The following UNC13C variants were observed in gnomAD, a reference collection of about 807,000 sequenced individuals.
UNC13C encodes the protein unc-13 homolog C.
In UNC13C, 174 loss-of-function variants were observed where a neutral mutation model predicts 245.4. The ratio of observed to expected loss-of-function variants is 0.71; its 90% CI spans 0.63 to 0.80. The LOEUF (loss-of-function observed/expected upper bound fraction) is 0.80, where lower values mean the gene tolerates loss of function less well. Ranked by LOEUF, UNC13C falls within the 30% of genes least tolerant of loss-of-function variation. The probability of loss-of-function intolerance (pLI) is 0.00; values close to 1 mark genes in which losing one functional copy is unlikely to be tolerated. For missense variants in UNC13C, 2,829 were observed against 2,602.9 expected, an observed-to-expected ratio of 1.09 and a Z score of -1.89; for synonymous variants, 992 against 895.1, an observed-to-expected ratio of 1.11 and a Z score of -1.93.
intron 2 of UNC13C, among the ~76,000 whole-genome samples, chr15:54,121,754 T>C (rs1034233259): frequency 6.6e-6 from 1 of 152,066 alleles, no homozygotes; most frequent in East Asian, 1.9e-4. Context: ...ACTGTATCTT[T>C]ATATACTAAG....
intron 30 of UNC13C, among the ~76,000 whole-genome samples, chr15:54,617,491 T>A (rs2141301440): frequency 6.6e-6 from 1 of 152,152 alleles, no homozygotes; most frequent in South Asian, 2.1e-4. Flanking sequence ...AACAGGCAAC[T>A]AACATCTGAA....
chr15:54,555,444 C>T lies in UNC13C; in HGVS notation c.5890C>T (p.Arg1964Ter), dbSNP rs947109345. The change falls in exon 29 of 33, where the codon CGA becomes TGA. Residue 1964 changes from arginine (R) to a stop codon, truncating the protein, a stop_gained. Transcript: ENST00000260323. LOFTEE classifies it high-confidence loss of function. ...QLSKLKEHMI[R>*]EDARGLTPRQ... ...ACCTGTTTTCCAGGAGCACATGATT[C>T]GAGAGGATGCCAGGGGTCTGACGCC... 1.2e-6 allele frequency: 2 copies of T among 1,612,166 alleles called. No individual in the cohort carries two copies. The highest frequency in any genetic ancestry group is 8.5e-7 in the Non-Finnish European group (1 of 1,178,930).
At chr15:54,253,685 G>A (rs2036209902) in intron 8 of UNC13C, among the ~76,000 whole-genome samples, 1 of 152,184 alleles carries the variant, frequency 6.6e-6, no homozygotes, top group African/African-American at 2.4e-5. Context: ...AACATAACGT[G>A]TAAGGAACTT....
At chr15:54,615,333 T>C (rs1416101477) in intron 30 of UNC13C, among the ~76,000 whole-genome samples, 2 of 152,096 alleles carry the variant, frequency 1.3e-5, no homozygotes, top group African/African-American at 2.4e-5. Flanking sequence ...TACTGATAGA[T>C]GCAGTGGTCT....
chr15:54,361,867 G>T (rs140969375), intron 17 of UNC13C, among the ~76,000 whole-genome samples: 5 of 152,268 alleles, frequency 3.3e-5, no homozygotes, highest in African/African-American at 9.6e-5. Context: ...GAGAGTACAA[G>T]AACTTAAATG....
At chr15:54,381,807 G>A (rs1404177553) in intron 17 of UNC13C, among the ~76,000 whole-genome samples, 1 of 151,918 alleles carries the variant, frequency 6.6e-6, no homozygotes, top group Non-Finnish European at 1.5e-5. Flanking sequence ...CAGTAATAAT[G>A]GAAGATTTCA....
intron 17 of UNC13C, among the ~76,000 whole-genome samples, chr15:54,388,609 T>C (rs2039886981): frequency 6.6e-6 from 1 of 152,204 alleles, no homozygotes; most frequent in South Asian, 2.1e-4. Context: ...AGTCACATTC[T>C]TATTTATGCT....
intron 2 of UNC13C, among the ~76,000 whole-genome samples, chr15:54,090,611 A>G (rs891945941): frequency 3.9e-5 from 6 of 152,200 alleles, no homozygotes; most frequent in African/African-American, 1.2e-4. Flanking sequence ...TATTTAGCCA[A>G]TCACCAGGAA....
At position 54,626,960 on chromosome 15, in the gene UNC13C, C is replaced by A; in HGVS notation, c.6492C>A (p.Ser2164Arg). ...TACAGAACATAGCAGAAAAGGGAAG[C>A]TATGGGGCATGGTATCCTCTTCTGA... ...IQLQNIAEKG[S>R]YGAWYPLLKN... is the part of the protein sequence containing the mutation. The change falls in exon 33 of 33, where the codon AGC becomes AGA. Residue 2164 changes from serine (S) to arginine (R), a missense_variant. Ser to Arg is a moderately radical substitution (Grantham distance 110). Coordinates refer to ENST00000260323, the MANE Select transcript of UNC13C (RefSeq NM_001080534.3). 1 of 1,613,456 alleles carries A rather than the reference C, an allele frequency of 6.2e-7. No homozygotes were observed. Among genetic ancestry groups the A allele is most frequent in the East Asian group, 2.2e-5 (1 of 44,842 alleles).
chr15:53,863,114 A>T, the UNC13C span, among the ~76,000 whole-genome samples: 7 of 152,224 alleles, frequency 4.6e-5, no homozygotes, highest in Admixed American at 6.5e-5. Context: ...TCAAAATACA[A>T]TGGTGGACAG....
chr15:53,954,755 AAG>A, the UNC13C span, among the ~76,000 whole-genome samples: 25 of 152,320 alleles, frequency 1.6e-4, no homozygotes, highest in East Asian at 4.4e-3. Context: ...GTTCATGTTT[AAG>A]AGAGAGGGCA....
chr15:53,850,903 G>T, the UNC13C span, among the ~76,000 whole-genome samples: 2 of 147,066 alleles, frequency 1.4e-5, no homozygotes, highest in Middle Eastern at 3.5e-3. Flanking sequence ...ATTTCATTTT[G>T]GAAAGTGCTA....
At chr15:54,589,681 T>A (rs1898681163) in intron 30 of UNC13C, among the ~76,000 whole-genome samples, 1 of 152,134 alleles carries the variant, frequency 6.6e-6, no homozygotes, top group South Asian at 2.1e-4. Flanking sequence ...CTTACTGATT[T>A]GAGTTTGTTG....
the UNC13C span, among the ~76,000 whole-genome samples, chr15:53,859,826 C>G: frequency 6.6e-6 from 1 of 152,080 alleles, no homozygotes; most frequent in Admixed American, 6.6e-5. Flanking sequence ...ATTTCCATTG[C>G]TGAATCCTTC....
chr15:54,551,985 A>T (rs1254021547), intron 28 of UNC13C, among the ~76,000 whole-genome samples: 1 of 148,156 alleles, frequency 6.7e-6, no homozygotes, highest in Non-Finnish European at 1.5e-5. Flanking sequence ...TTGAAAGCAG[A>T]TATGATGTGC....
At chr15:53,896,563 G>A in the UNC13C span, among the ~76,000 whole-genome samples, 1 of 152,012 alleles carries the variant, frequency 6.6e-6, no homozygotes, top group Admixed American at 6.6e-5. Context: ...GTGGATATAT[G>A]TTTTTCACCC....
At chr15:53,979,525 A>G (rs1339064009) in intron 1 of UNC13C, among the ~76,000 whole-genome samples, 1 of 152,218 alleles carries the variant, frequency 6.6e-6, no homozygotes, top group Non-Finnish European at 1.5e-5. Context: ...TGTGGTGCTC[A>G]AGGAGGCAGT....
Position 54,183,112 on chromosome 15 carries a change from G to C in UNC13C, c.3071+39428G>C, listed in dbSNP as rs566183348. ...ATAAAAACATTTTACAAACCCGAAAGAAGTTAAAAAAGGTGAAATAGGGGG... is the reference window on the plus strand; with the variant it reads ...ATAAAAACATTTTACAAACCCGAAACAAGTTAAAAAAGGTGAAATAGGGGG... On this transcript the variant is annotated intron_variant, in intron 4 of 32. Transcript: ENST00000260323. 1.8e-4 allele frequency among the ~76,000 whole-genome samples: 28 copies of C among 151,790 alleles called. No individual in the cohort carries two copies. In the East Asian group the frequency reaches 5.2e-3, roughly 28 times the overall value.
intron 19 of UNC13C, among the ~76,000 whole-genome samples, chr15:54,455,173 C>CTCTCTCTCTCTCTA (rs1891413291): frequency 3.4e-5 from 1 of 29,304 alleles, no homozygotes; most frequent in African/African-American, 1.1e-4. Context: ...TCCTCTCTCT[C>CTCTCTCTCTCTCTA]TCTCTCTCTC....
Sources: gnomAD v4.1 joint callset for allele counts (sites outside exome capture counted in the v4.1 genomes callset) on GRCh38, gnomAD v4.1.1 for gene constraint, MANE v1.5 for transcripts, NCBI Gene and HGNC (gene_info 2026-07-23, HGNC 2026-07-21) for gene names.